PDE4D: variants seen among roughly 807,000 people sequenced by gnomAD.
The protein encoded by PDE4D is phosphodiesterase 4D.
In PDE4D, 24 loss-of-function variants were observed where a neutral mutation model predicts 87.4. The ratio of observed to expected loss-of-function variants is 0.27; its 90% confidence interval spans 0.20 to 0.39. PDE4D has a LOEUF of 0.39. PDE4D is among the 10% of genes least tolerant of loss of function. The pLI is 1.00. For missense variants in PDE4D, 714 were observed against 1,041.0 expected (o/e 0.69, Z 4.32); for synonymous variants, 384 against 383.2 (o/e 1.00, Z -0.02).
intron 1 of PDE4D, among the ~76,000 whole-genome samples, chr5:59,622,805 T>C (rs1181322888): frequency 6.6e-6 from 1 of 152,136 alleles, no homozygotes; most frequent in African/African-American, 2.4e-5. Context: ...AAGAAGTACT[T>C]TAAACCATGG....
intron 2 of PDE4D, among the ~76,000 whole-genome samples, chr5:59,200,618 TATACATACACGTGTATGTACAGATACAC>T (rs1746997700): frequency 7.3e-6 from 1 of 136,342 alleles, no homozygotes; most frequent in Middle Eastern, 3.4e-3. Flanking sequence ...CAGATACACG[TATACATACACGTGTATGTACAGATACAC>T]GTATACATAC....
intron 1 of PDE4D, among the ~76,000 whole-genome samples, chr5:60,216,806 A>G (rs565982133): frequency 2.6e-5 from 4 of 152,260 alleles, no homozygotes; most frequent in Admixed American, 6.5e-5. Context: ...AAACTGACAG[A>G]ACTGAGAAGA....
intron 2 of PDE4D, among the ~76,000 whole-genome samples, chr5:60,121,792 A>G (rs548607566): frequency 2.6e-5 from 4 of 152,144 alleles, no homozygotes; most frequent in Non-Finnish European, 5.9e-5. Flanking sequence ...TAGTCCCTGA[A>G]AGTCTTAACT....
At chr5:59,771,465 GAAAGAAAGAAAGAAAGAA>G (rs1465401540) in intron 1 of PDE4D, among the ~76,000 whole-genome samples, 5 of 73,018 alleles carry the variant, frequency 6.8e-5, no homozygotes, top group South Asian at 4.5e-4. Context: ...AAGAAAGAAA[GAAAGAAAGAAAGAAAGAA>G]AGAGAGAGAG....
chr5:59,923,946 C>A (rs967760444), intron 3 of PDE4D, among the ~76,000 whole-genome samples: 1 of 152,116 alleles, frequency 6.6e-6, no homozygotes, highest in African/African-American at 2.4e-5. Context: ...ACAGAAAATT[C>A]AAAATAGCTG....
chr5:60,063,800 C>G (rs970936993), intron 2 of PDE4D, among the ~76,000 whole-genome samples: 17 of 152,058 alleles, frequency 1.1e-4, no homozygotes, highest in African/African-American at 3.9e-4. Flanking sequence ...TAATTTGGAA[C>G]AATTAAGCCT....
rs1580022429 is a variant in PDE4D at position 58,975,937 on chromosome 5, TTAAAAA to T, written c.1831-104_1831-99del. 2.9e-5 allele frequency: 25 copies of T among 860,182 alleles called. No homozygotes were observed. In the East Asian group the frequency reaches 5.7e-4, roughly 20 times the overall value. The allele number at this position is 860,182 out of a possible 1,614,324, so 53.3% of individuals were successfully genotyped here. A position where few individuals can be genotyped will look rare whatever the true frequency, so the allele number is the denominator to read the frequency against. On this transcript the variant is annotated intron_variant, in intron 13 of 14. Coordinates refer to ENST00000340635, the MANE Select transcript of PDE4D (RefSeq NM_001104631.2). This position sits in a 1 kb window ranked among gnomAD's most constrained non-coding sequence, Gnocchi z 4.2. ...AATTCACATTGGATGACTGCAACAC[TTAAAAA>T]TACACGTAGTGTAAGATTTATTCCA...
At chr5:59,389,359 T>A (rs1257529806) in intron 1 of PDE4D, among the ~76,000 whole-genome samples, 2 of 151,774 alleles carry the variant, frequency 1.3e-5, no homozygotes, top group Admixed American at 6.6e-5. Flanking sequence ...TTCTAAGGAT[T>A]GTTTAAAATA....
intron 2 of PDE4D, among the ~76,000 whole-genome samples, chr5:60,172,265 TACACACACACACACACACAC>T (rs58938460): frequency 1.4e-5 from 2 of 140,964 alleles, no homozygotes; most frequent in Admixed American, 7.2e-5. Context: ...AGTACTTCAA[TACACACACACACACACACAC>T]ACACACACAC....
At chr5:60,197,061 A>T (rs546576784) in intron 1 of PDE4D, among the ~76,000 whole-genome samples, 4 of 110,134 alleles carry the variant, frequency 3.6e-5, no homozygotes, top group African/African-American at 1.1e-4. Context: ...AGATAGATAG[A>T]TAGATAGATA....
At chr5:59,796,043 T>C (rs1374036589) in intron 1 of PDE4D, among the ~76,000 whole-genome samples, 1 of 152,186 alleles carries the variant, frequency 6.6e-6, no homozygotes, top group Non-Finnish European at 1.5e-5. Flanking sequence ...CTTTTGGATT[T>C]CTGGCCTCCA....
At chr5:59,010,188 G>A (rs1216272318) in intron 6 of PDE4D, among the ~76,000 whole-genome samples, 1 of 152,082 alleles carries the variant, frequency 6.6e-6, no homozygotes, top group African/African-American at 2.4e-5. Flanking sequence ...TTAGCAGGGT[G>A]TGGTGGTGCA....
chr5:59,415,764 T>C (rs992394312), intron 1 of PDE4D, among the ~76,000 whole-genome samples: 3 of 152,188 alleles, frequency 2.0e-5, no homozygotes, highest in African/African-American at 4.8e-5. Flanking sequence ...TAATTATATA[T>C]ATTGTTTACA....
intron 2 of PDE4D, among the ~76,000 whole-genome samples, chr5:60,001,993 G>A (rs1764068505): frequency 6.7e-6 from 1 of 148,654 alleles, no homozygotes; most frequent in Non-Finnish European, 1.5e-5. Context: ...AAAAGCACAA[G>A]AACCACAAAC....
At chr5:59,469,330 A>AAAAC (rs1001347971) in intron 1 of PDE4D, among the ~76,000 whole-genome samples, 9 of 152,258 alleles carry the variant, frequency 5.9e-5, no homozygotes, top group East Asian at 3.9e-4. Context: ...TCCATCTCAA[A>AAAAC]AAACAAACAA....
At chr5:60,008,037 C>A (rs16877199) in intron 2 of PDE4D, among the ~76,000 whole-genome samples, 28,011 of 150,916 alleles carry the variant, frequency 0.19, 3,881 homozygotes, top group African/African-American at 0.39. Context: ...ATAAAATAGC[C>A]AGTCTCAAGT....
chr5:59,655,158 C>A (rs995093295), intron 1 of PDE4D, among the ~76,000 whole-genome samples: 2 of 151,024 alleles, frequency 1.3e-5, no homozygotes, highest in Admixed American at 6.6e-5. Flanking sequence ...AAAAAAAATT[C>A]TCTGAAAAAA....
chr5:60,402,094 C>G (rs1225021027), intron 1 of PDE4D, among the ~76,000 whole-genome samples: 2 of 152,216 alleles, frequency 1.3e-5, no homozygotes, highest in South Asian at 4.1e-4. Flanking sequence ...TTCAAACGCT[C>G]TCTCTCAGAG....
chr5:59,842,841 T>G (rs1743224910), intron 1 of PDE4D, among the ~76,000 whole-genome samples: 1 of 152,058 alleles, frequency 6.6e-6, no homozygotes, highest in Non-Finnish European at 1.5e-5. Flanking sequence ...TGTGTTTCAT[T>G]GCTAAACTTT....
Sources: allele counts gnomAD v4.1 joint callset (sites outside exome capture counted in the v4.1 genomes callset), GRCh38; gene constraint gnomAD v4.1.1; non-coding constraint Gnocchi (gnomAD v3.1); transcripts MANE v1.5; gene names NCBI Gene and HGNC (gene_info 2026-07-23, HGNC 2026-07-21).